RAD50: variants seen among roughly 807,000 people sequenced by gnomAD.
RAD50 encodes the protein RAD50 double strand break repair protein.
RAD50 carries 132 observed loss-of-function variants against 168.8 expected under a neutral mutation model. That is an observed-to-expected ratio of 0.78 (90% CI 0.68 to 0.90). RAD50 has a LOEUF of 0.90. RAD50 is among the 40% of genes least tolerant of loss of function. RAD50 has a pLI of 0.00. For synonymous variants in RAD50, 525 were observed against 497.4 expected, an observed-to-expected ratio of 1.06 and a Z score of -0.74; for missense variants, 1,347 against 1,534.4, an observed-to-expected ratio of 0.88 and a Z score of 2.04.
chr5:132,561,800 G>A (rs757200177), intron 2 of RAD50, among the ~76,000 whole-genome samples: 4 of 134,708 alleles, frequency 3.0e-5, no homozygotes, highest in African/African-American at 8.5e-5. Flanking sequence ...CCCCACCCCC[G>A]CCAGTTTTGT....
chr5:132,562,389 A>G (rs1029675358), intron 2 of RAD50, among the ~76,000 whole-genome samples: 1 of 152,204 alleles, frequency 6.6e-6, no homozygotes, highest in Admixed American at 6.5e-5. Flanking sequence ...AGGTGGCTTC[A>G]TTAAGGTAGT....
At chr5:132,634,229 A>G (rs1045923264) in intron 21 of RAD50, among the ~76,000 whole-genome samples, 5 of 151,840 alleles carry the variant, frequency 3.3e-5, no homozygotes, top group Non-Finnish European at 1.5e-5. Flanking sequence ...CTGCTCAATC[A>G]TTTCCTTTTA....
intron 16 of RAD50, among the ~76,000 whole-genome samples, chr5:132,608,331 G>A (rs560976413): frequency 1.5e-4 from 23 of 152,328 alleles, no homozygotes; most frequent in African/African-American, 5.3e-4. Context: ...AGCATGCGTA[G>A]TGGTTAAGAG....
intron 19 of RAD50, 149 bp from the exon 20 acceptor site, chr5:132,615,853 AT>A: frequency 1.3e-6 from 1 of 775,702 alleles, no homozygotes; most frequent in Non-Finnish European, 2.1e-6. Flanking sequence ...AGACCTGTAG[AT>A]TCCTTCACAC....
At chr5:132,580,118 C>T (rs749284071) in intron 5 of RAD50, 52 bp downstream of exon 5, 4 of 1,437,368 alleles carry the variant, frequency 2.8e-6, no homozygotes, top group Non-Finnish European at 3.9e-6. Context: ...TTATGGTATA[C>T]AGCATGATGT....
chr5:132,583,242 C>T (rs529613121), intron 5 of RAD50, among the ~76,000 whole-genome samples: 156 of 152,204 alleles, frequency 1.0e-3, no homozygotes, highest in Non-Finnish European at 1.7e-3. Flanking sequence ...ATAATGTAAA[C>T]TCCATAGTAA....
chr5:132,564,244 C>T (rs781706492), intron 2 of RAD50, among the ~76,000 whole-genome samples: 6 of 152,150 alleles, frequency 3.9e-5, no homozygotes, highest in Non-Finnish European at 7.3e-5. Context: ...TTTGGAACTT[C>T]CTAGAGACTT....
At chr5:132,579,166 A>G (rs997886209) in intron 3 of RAD50, 151 bp from the exon 4 acceptor site, 6 of 748,038 alleles carry the variant, frequency 8.0e-6, no homozygotes, top group African/African-American at 1.8e-5. Context: ...TAAGAGTTAC[A>G]CTTTTTAGCA....
chr5:132,633,809 C>T (rs1254556633), intron 21 of RAD50, among the ~76,000 whole-genome samples: 1 of 152,114 alleles, frequency 6.6e-6, no homozygotes, highest in African/African-American at 2.4e-5. Flanking sequence ...ACTCCAGGCT[C>T]AAGCAATCCT....
At chr5:132,575,071 C>G (rs1409681595) in intron 2 of RAD50, among the ~76,000 whole-genome samples, 2 of 152,206 alleles carry the variant, frequency 1.3e-5, no homozygotes, top group African/African-American at 4.8e-5. Context: ...TTTCGGATAA[C>G]TTTTCAGCAG....
intron 2 of RAD50, among the ~76,000 whole-genome samples, chr5:132,564,474 C>T (rs915924457): frequency 1.3e-5 from 2 of 152,148 alleles, no homozygotes; most frequent in Non-Finnish European, 2.9e-5. Flanking sequence ...AAGAAATTTC[C>T]AGGCAGCAAA....
chr5:132,604,874 A>G lies in RAD50; in HGVS notation c.2593A>G (p.Ser865Gly), dbSNP rs1248814164. 2 of 1,613,864 alleles carry G rather than the reference A, an allele frequency of 1.2e-6. No homozygotes were observed. Among genetic ancestry groups the G allele is most frequent in the East Asian group, 4.5e-5 (2 of 44,880 alleles). The part of the protein sequence containing the change: ...DQQEQIQHLK[S>G]TTNELKSEKL... ...GCAGGAACAGATTCAACATCTAAAA[A>G]GTACAACAAATGAGCTAAAATCTGA... The change falls in exon 16 of 25, where the codon AGT becomes GGT. Residue 865 changes from serine (S) to glycine (G), a missense_variant. Coordinates refer to ENST00000378823, the MANE Select transcript of RAD50 (RefSeq NM_005732.4).
rs1554099872 is a variant in RAD50 at position 132,618,175 on chromosome 5, A to C, written c.3270A>C (p.Lys1090Asn). Residue 1090 changes from lysine (K) to asparagine (N), a missense_variant, in exon 21 of 25, where the codon AAA becomes AAC. By Grantham distance (94) the Lys-to-Asn change is moderately conservative. Around this residue, in one of 3 missense-constraint regions of RAD50, gnomAD observed 635 missense variants for 739.2 expected, o/e 0.86. Coordinates refer to ENST00000378823, the MANE Select transcript of RAD50 (RefSeq NM_005732.4). ...GYEEEIIHFK[K>N]ELREPQFRDA... The stretch of plus-strand genomic sequence containing the variant: ...AAGAAGAAATTATTCATTTTAAGAA[A>C]GAACTTCGAGAACCACAATTTCGGG... 6.2e-7 allele frequency: 1 copy of C among 1,613,950 alleles called. No homozygotes were observed. The highest frequency in any genetic ancestry group is 8.5e-7 in the Non-Finnish European group (1 of 1,179,936).
In RAD50 at chr5:132,594,959, G is replaced by A; in HGVS notation, c.1884G>A (p.Lys628=). The A allele has an allele frequency of 6.2e-7, 1 of 1,611,950 alleles. No homozygotes were observed. Among genetic ancestry groups the A allele is most frequent in the Non-Finnish European group, 8.5e-7 (1 of 1,178,020 alleles). The change falls in exon 12 of 25, where the codon AAG becomes AAA. Residue 628 remains lysine (K), a synonymous_variant. Coordinates refer to ENST00000378823, the MANE Select transcript of RAD50 (RefSeq NM_005732.4). ...AGCAGTTGTCCAGTTACGAAGACAA[G>A]CTGTTTGATGTTTGTGGTAGCCAGG... ...KEEQLSSYED[K]LFDVCGSQDF...
intron 21 of RAD50, among the ~76,000 whole-genome samples, chr5:132,621,521 G>C (rs1174865728): frequency 6.6e-6 from 1 of 151,572 alleles, no homozygotes; most frequent in African/African-American, 2.4e-5. Context: ...CCTTCTTTAG[G>C]TTCAGTTTTC....
intron 5 of RAD50, among the ~76,000 whole-genome samples, chr5:132,586,596 CTATTAG>C (rs1367699237): frequency 6.6e-6 from 1 of 152,114 alleles, no homozygotes; most frequent in African/African-American, 2.4e-5. Flanking sequence ...ACAAGCTATA[CTATTAG>C]TATAATTTTA....
rs1465683701 is a variant in RAD50 at position 132,591,860 on chromosome 5, T to G, written c.1636-17T>G. 1 of 1,557,200 alleles carries G rather than the reference T, an allele frequency of 6.4e-7. No homozygotes were observed. Among genetic ancestry groups the G allele is most frequent in the East Asian group, 2.3e-5 (1 of 44,372 alleles). ...GATATAGACTTTATTTTTAAAAGAT[T>G]TTTTTTTTACCTATAGGCTGACAAA... On this transcript the variant is annotated splice_polypyrimidine_tract_variant and intron_variant, in intron 10 of 24. Transcript: ENST00000378823.
chr5:132,607,158 G>A (rs1298058564), intron 16 of RAD50, among the ~76,000 whole-genome samples: 1 of 152,210 alleles, frequency 6.6e-6, no homozygotes, highest in East Asian at 1.9e-4. Context: ...GAAGGAGTTT[G>A]CCATAATAAG....
At position 132,588,785 on chromosome 5, in the gene RAD50, G is replaced by C. The variant is rs1316248605; in HGVS notation, c.1150G>C (p.Glu384Gln). ...LATQLELDGF[E>Q]RGPFSERQIK... ...AACACAGCTAGAATTGGATGGCTTT[G>C]AGCGTGGACCATTCAGTGAAAGACA... The change falls in exon 8 of 25, where the codon GAG becomes CAG. Residue 384 changes from glutamate to glutamine, a missense_variant. Physicochemically the swap from Glu to Gln is conservative, Grantham distance 29. Transcript: ENST00000378823. 6.2e-7 allele frequency: 1 copy of C among 1,613,992 alleles called. No individual in the cohort carries two copies.
Sources: gnomAD v4.1 joint callset for allele counts (sites outside exome capture counted in the v4.1 genomes callset) on GRCh38, gnomAD v4.1.1 for gene constraint, gnomAD v4.1.1 regional missense constraint, MANE v1.5 for transcripts, NCBI Gene and HGNC (gene_info 2026-07-23, HGNC 2026-07-21) for gene names.